The following DLG1 variants were observed in gnomAD, a reference collection of about 807,000 sequenced individuals.
The protein encoded by DLG1 is disks large homolog 1.
DLG1 carries 42 observed loss-of-function variants against 123.4 expected under a neutral mutation model. That is an observed-to-expected ratio of 0.34 (90% CI 0.27 to 0.44). The LOEUF (loss-of-function observed/expected upper bound fraction) is 0.44, where lower values mean the gene tolerates loss of function less well. Among genes scored for constraint, DLG1 ranks in the 20% least tolerant of loss-of-function variants. The pLI is 1.00. For synonymous variants in DLG1, 317 were observed against 356.2 expected (o/e 0.89, Z 1.24); for missense variants, 942 against 1,082.6 (o/e 0.87, Z 1.82).
chr3:197,104,864 A>G (rs1042333400), intron 14 of DLG1, 39 bp downstream of exon 14: 18 of 1,377,986 alleles, frequency 1.3e-5, no homozygotes, highest in Non-Finnish European at 1.6e-5. Context: ...TTTAAAAACT[A>G]AAATAAGCAA....
At chr3:197,070,761 C>CT (rs1252358661) in intron 18 of DLG1, 1 of 151,300 alleles carries the variant, frequency 6.6e-6, no homozygotes, top group Non-Finnish European at 1.5e-5. Flanking sequence ...TTAGTAGAGA[C>CT]TGGTTTCACC....
At chr3:197,184,518 G>A (rs780480199) in intron 5 of DLG1, among the ~76,000 whole-genome samples, 1 of 152,112 alleles carries the variant, frequency 6.6e-6, no homozygotes, top group Non-Finnish European at 1.5e-5. Context: ...TAACGATAGC[G>A]CTTCATTACA....
intron 12 of DLG1, among the ~76,000 whole-genome samples, chr3:197,117,684 G>A (rs1774063932): frequency 6.6e-6 from 1 of 152,166 alleles, no homozygotes; most frequent in Non-Finnish European, 1.5e-5. Context: ...CAGTGGAAGG[G>A]AGAATTACTG....
At chr3:197,102,790 G>A (rs773639039) in intron 14 of DLG1, among the ~76,000 whole-genome samples, 24 of 152,166 alleles carry the variant, frequency 1.6e-4, no homozygotes, top group Non-Finnish European at 2.5e-4. Context: ...CCTGGGAGGC[G>A]GAGGTTACAG....
At chr3:197,208,583 T>C (rs1729783913) in intron 4 of DLG1, among the ~76,000 whole-genome samples, 1 of 145,218 alleles carries the variant, frequency 6.9e-6, no homozygotes, top group South Asian at 2.6e-4. Flanking sequence ...CATAAAATGA[T>C]GAGAAAGGTC....
intron 24 of DLG1, among the ~76,000 whole-genome samples, chr3:197,049,851 CT>C (rs1726083316): frequency 6.6e-6 from 1 of 152,046 alleles, no homozygotes; most frequent in African/African-American, 2.4e-5. Context: ...TTGCTTGAGC[CT>C]AGGAGTTTGA....
At chr3:197,206,118 T>C (rs1261152122) in intron 4 of DLG1, among the ~76,000 whole-genome samples, 1 of 152,160 alleles carries the variant, frequency 6.6e-6, no homozygotes, top group Non-Finnish European at 1.5e-5. Context: ...CAGACATCTT[T>C]GAGGGGGGCA....
chr3:197,134,479 A>C (rs1383399503), intron 10 of DLG1, among the ~76,000 whole-genome samples: 6 of 151,096 alleles, frequency 4.0e-5, no homozygotes, highest in Non-Finnish European at 8.8e-5. Context: ...TACCAAAAAA[A>C]AAAAAAAAAA....
chr3:197,196,522 A>T (rs112151636), intron 4 of DLG1, among the ~76,000 whole-genome samples: 113 of 152,326 alleles, frequency 7.4e-4, no homozygotes, highest in Non-Finnish European at 1.3e-3. Context: ...TAAGGAAGGA[A>T]ATGTGGTGCC....
chr3:197,174,623 TTTTC>T (rs149010418), intron 5 of DLG1, among the ~76,000 whole-genome samples: 49 of 152,308 alleles, frequency 3.2e-4, no homozygotes, highest in East Asian at 9.6e-4. Context: ...ATCTTGTTTG[TTTTC>T]TTTCTATCTT....
chr3:197,162,183 C>G (rs1402779784), intron 5 of DLG1, among the ~76,000 whole-genome samples: 2 of 152,220 alleles, frequency 1.3e-5, no homozygotes, highest in East Asian at 3.9e-4. Context: ...ATCCGTGATA[C>G]TAACTTCTGT....
intron 3 of DLG1, among the ~76,000 whole-genome samples, chr3:197,288,269 C>G (rs1036347132): frequency 7.0e-6 from 1 of 141,884 alleles, no homozygotes; most frequent in African/African-American, 2.6e-5. Context: ...GAGGCTGAGG[C>G]AGGAGAATCA....
intron 4 of DLG1, among the ~76,000 whole-genome samples, chr3:197,257,814 C>T (rs1352457809): frequency 6.6e-6 from 1 of 152,104 alleles, no homozygotes; most frequent in South Asian, 2.1e-4. Flanking sequence ...AACAATAATC[C>T]TAAATCACTC....
At chr3:197,164,148 T>C (rs1369195885) in intron 5 of DLG1, among the ~76,000 whole-genome samples, 2 of 151,888 alleles carry the variant, frequency 1.3e-5, no homozygotes, top group South Asian at 2.1e-4. Context: ...TCTCAGCACT[T>C]TGGGAGGCCG....
chr3:197,149,698 A>AG (rs1270455912), intron 6 of DLG1, 45 bp downstream of exon 6: 1 of 1,260,550 alleles, frequency 7.9e-7, no homozygotes, highest in Non-Finnish European at 1.2e-6. Flanking sequence ...AAAACGGAAC[A>AG]GGAAAGGCAG....
At chr3:197,290,773 C>T (rs903693185) in intron 3 of DLG1, among the ~76,000 whole-genome samples, 1 of 151,940 alleles carries the variant, frequency 6.6e-6, no homozygotes, top group Non-Finnish European at 1.5e-5. Flanking sequence ...GGGCTCACAC[C>T]TGTAGTCCCA....
intron 4 of DLG1, among the ~76,000 whole-genome samples, chr3:197,232,139 A>G (rs1321166480): frequency 6.6e-6 from 1 of 152,202 alleles, no homozygotes; most frequent in Non-Finnish European, 1.5e-5. Context: ...TTTGAGCACA[A>G]AAAACAGCTA....
chr3:197,044,714 T>A lies in DLG1; in HGVS notation c.2591A>T (p.Asp864Val). 4 of 1,602,872 alleles carry A rather than the reference T, an allele frequency of 2.5e-6. No individual in the cohort carries two copies. Among genetic ancestry groups the A allele is most frequent in the Non-Finnish European group, 3.4e-6 (4 of 1,172,276 alleles). Residue 864 changes from aspartate to valine, a missense_variant, in exon 25 of 25, where the codon GAT (aspartate) becomes GTT (valine). Transcript: ENST00000667157. Reference protein sequence around the residue: ...TEHFTAIVQGDTLEDIYNQVK... With the variant: ...TEHFTAIVQGVTLEDIYNQVK... Reference sequence around the variant, plus strand: ...TTGGTTGTAAATGTCTTCCAGCGTATCCCCCTGTACAATAGCTGTAATGAT... The same window carrying A: ...TTGGTTGTAAATGTCTTCCAGCGTAACCCCCTGTACAATAGCTGTAATGAT...
At chr3:197,251,851 G>C (rs1288103620) in intron 4 of DLG1, among the ~76,000 whole-genome samples, 2 of 152,120 alleles carry the variant, frequency 1.3e-5, no homozygotes, top group Non-Finnish European at 2.9e-5. Context: ...TTTAAAATGG[G>C]CACATTTAAA....
Sources: gnomAD v4.1 joint callset for allele counts (sites outside exome capture counted in the v4.1 genomes callset) on GRCh38, gnomAD v4.1.1 for gene constraint, MANE v1.5 for transcripts, NCBI Gene and HGNC (gene_info 2026-07-23, HGNC 2026-07-21) for gene names.